UNC13C: variants seen among roughly 807,000 people sequenced by gnomAD.
The protein encoded by UNC13C is unc-13 homolog C.
A neutral mutation model predicts 245.4 loss-of-function variants in UNC13C; 174 were observed. That is an observed-to-expected ratio of 0.71 (90% confidence interval 0.63 to 0.80). The LOEUF is 0.80. UNC13C is among the 30% of genes least tolerant of loss of function. The pLI is 0.00. For synonymous variants in UNC13C, 992 were observed against 895.1 expected, an observed-to-expected ratio of 1.11 and a Z score of -1.93; for missense variants, 2,829 against 2,602.9, an observed-to-expected ratio of 1.09 and a Z score of -1.89.
chr15:54,072,614 T>A (rs1418521362), intron 2 of UNC13C, among the ~76,000 whole-genome samples: 1 of 152,190 alleles, frequency 6.6e-6, no homozygotes, highest in African/African-American at 2.4e-5. Context: ...TCTTTTTTCA[T>A]ACTTTAATGA....
chr15:54,359,232 T>C (rs1409341061), intron 17 of UNC13C, among the ~76,000 whole-genome samples: 1 of 151,978 alleles, frequency 6.6e-6, no homozygotes. Flanking sequence ...TTTGCTAGTG[T>C]TGAGAGTTTT....
chr15:54,169,344 T>G (rs7165646), intron 4 of UNC13C, among the ~76,000 whole-genome samples: 5,087 of 152,270 alleles, frequency 0.033, 288 homozygotes, highest in African/African-American at 0.11. Context: ...TGAACACCTT[T>G]CCAGAATCCA....
chr15:54,536,503 A>C (rs1895986507), intron 26 of UNC13C, among the ~76,000 whole-genome samples: 1 of 152,120 alleles, frequency 6.6e-6, no homozygotes, highest in African/African-American at 2.4e-5. Context: ...TCATTCTGAT[A>C]CTAAAAGCTG....
intron 2 of UNC13C, chr15:54,050,141 T>C (rs1595769593): frequency 5.5e-6 from 2 of 366,310 alleles, no homozygotes; most frequent in East Asian, 1.4e-4. Context: ...GGCTATTTTT[T>C]TGTATTTTTA....
intron 4 of UNC13C, among the ~76,000 whole-genome samples, chr15:54,216,331 C>G (rs148841539): frequency 2.0e-5 from 3 of 151,990 alleles, no homozygotes; most frequent in African/African-American, 7.2e-5. Flanking sequence ...TTCTATAACT[C>G]AGATTAGCTG....
At chr15:54,404,172 G>C (rs888825428) in intron 18 of UNC13C, among the ~76,000 whole-genome samples, 1 of 152,108 alleles carries the variant, frequency 6.6e-6, no homozygotes, top group Non-Finnish European at 1.5e-5. Context: ...ATGCATACAC[G>C]ACAGGCAGTT....
intron 24 of UNC13C, among the ~76,000 whole-genome samples, chr15:54,515,986 A>G (rs1375036240): frequency 6.6e-6 from 1 of 152,196 alleles, no homozygotes; most frequent in East Asian, 1.9e-4. Context: ...AAAAATATGG[A>G]TATTGTAATG....
the UNC13C span, among the ~76,000 whole-genome samples, chr15:53,897,935 A>T: frequency 6.6e-6 from 1 of 151,110 alleles, no homozygotes; most frequent in African/African-American, 2.4e-5. Flanking sequence ...ACTTTGAAAA[A>T]CTCTTGGTCT....
chr15:54,297,695 A>G, intron 11 of UNC13C, 116 bp from the exon 12 acceptor site: 1 of 720,592 alleles, frequency 1.4e-6, no homozygotes, highest in Non-Finnish European at 2.4e-6. Flanking sequence ...TCAGAAAAAT[A>G]GCTTTTAGCT....
At chr15:53,892,507 T>C in the UNC13C span, among the ~76,000 whole-genome samples, 749 of 152,334 alleles carry the variant, frequency 4.9e-3, 2 homozygotes, top group African/African-American at 0.017. Context: ...CACTTTCAGG[T>C]ACACCAATCA....
chr15:54,170,163 G>C (rs1259332494), intron 4 of UNC13C, among the ~76,000 whole-genome samples: 1 of 151,944 alleles, frequency 6.6e-6, no homozygotes, highest in Non-Finnish European at 1.5e-5. Flanking sequence ...AAGAAAAAAA[G>C]AAAAGCTTGT....
intron 19 of UNC13C, among the ~76,000 whole-genome samples, chr15:54,439,486 G>T (rs1890397855): frequency 6.6e-6 from 1 of 151,688 alleles, no homozygotes; most frequent in Non-Finnish European, 1.5e-5. Context: ...AATTATAATA[G>T]AAATAAATTT....
At chr15:54,052,731 T>C (rs1897324583) in intron 2 of UNC13C, among the ~76,000 whole-genome samples, 1 of 152,246 alleles carries the variant, frequency 6.6e-6, no homozygotes, top group African/African-American at 2.4e-5. Context: ...CCTTCCTGGG[T>C]TGTAAAGGTT....
chr15:54,483,819 T>C (rs4306442), intron 19 of UNC13C, among the ~76,000 whole-genome samples: 1 of 152,346 alleles, frequency 6.6e-6, no homozygotes, highest in South Asian at 2.1e-4. Context: ...GTTATTTTAA[T>C]TGTGAGAAAC....
At chr15:53,862,896 A>G in the UNC13C span, among the ~76,000 whole-genome samples, 1 of 152,110 alleles carries the variant, frequency 6.6e-6, no homozygotes, top group African/African-American at 2.4e-5. Flanking sequence ...GGCTCCCCCA[A>G]ATTCAAGTCC....
rs57209912 is a variant in UNC13C, at chr15:54,086,737, C to CTTTTTTT, written c.2984-56269_2984-56263dup. Reference sequence around the variant, plus strand: ...GTACTATGTGTTGCTTATTTTCTTTCTTTTTTTTTTTTTTTTTTGAGATGG... The same window carrying CTTTTTTT: ...GTACTATGTGTTGCTTATTTTCTTTCTTTTTTTTTTTTTTTTTTTTTTTTTGAGATGG... On this transcript the variant is annotated intron_variant, in intron 2 of 32. Coordinates refer to ENST00000260323, the MANE Select transcript of UNC13C (RefSeq NM_001080534.3). Among the ~76,000 whole-genome samples the CTTTTTTT allele has an allele frequency of 7.7e-3, 712 of 91,972 alleles. 71 individuals are homozygous for CTTTTTTT. The highest frequency in any genetic ancestry group is 0.022 in the African/African-American group (577 of 26,654). 60.3% of individuals were successfully genotyped at this position (91,972 alleles called of 152,430 possible).
At chr15:54,345,199 A>G (rs1389617496) in intron 17 of UNC13C, among the ~76,000 whole-genome samples, 1 of 152,338 alleles carries the variant, frequency 6.6e-6, no homozygotes, top group East Asian at 1.9e-4. Flanking sequence ...TATGACAGAG[A>G]CAGAACTTAG....
chr15:54,585,582 T>G (rs1007654436), intron 30 of UNC13C, among the ~76,000 whole-genome samples: 5 of 152,180 alleles, frequency 3.3e-5, no homozygotes, highest in African/African-American at 1.2e-4. Context: ...GCTTATATAT[T>G]GCCTGTATTC....
intron 18 of UNC13C, among the ~76,000 whole-genome samples, chr15:54,413,458 A>G (rs1193865470): frequency 6.6e-6 from 1 of 152,158 alleles, no homozygotes; most frequent in Non-Finnish European, 1.5e-5. Context: ...TTTATGCTCA[A>G]ATGAAACCTT....
Sources: allele counts gnomAD v4.1 joint callset (sites outside exome capture counted in the v4.1 genomes callset), GRCh38; gene constraint gnomAD v4.1.1; transcripts MANE v1.5; gene names NCBI Gene and HGNC (gene_info 2026-07-23, HGNC 2026-07-21).